Variants in WDR72 observed in about 807,000 individuals in gnomAD.
WDR72 encodes WD repeat-containing protein 72.
WDR72 carries 120 observed loss-of-function variants against 124.2 expected under a neutral mutation model. The observed-to-expected ratio is 0.97, with a 90% confidence interval of 0.83 to 1.12. The LOEUF (loss-of-function observed/expected upper bound fraction) is 1.12. Among genes scored for constraint, WDR72 ranks in the 50% most tolerant of loss-of-function variants. The probability of loss-of-function intolerance (pLI) is 0.00; values close to 1 mark genes in which losing one functional copy is unlikely to be tolerated. For synonymous variants in WDR72, 452 were observed against 441.7 expected (o/e 1.02, Z -0.29); for missense variants, 1,387 against 1,278.8 (o/e 1.08, Z -1.29).
rs533311302 is a variant in WDR72 at position 53,684,803 on chromosome 15, A to G, written c.1765+14947T>C. 1.9e-3 allele frequency among the ~76,000 whole-genome samples: 294 copies of G among 152,208 alleles called. 1 individual carries two copies. The highest frequency in any genetic ancestry group is 6.8e-3 in the Middle Eastern group (2 of 294). On this transcript the variant is annotated intron_variant, in intron 13 of 19. Transcript: ENST00000360509. ...ACAGCAGTAACCTCTGCAGACTTAA[A>G]TGTCCCTGTCTGACAGCTTTGAAGA...
At chr15:53,754,158 G>A (rs2018841450) in intron 1 of WDR72, among the ~76,000 whole-genome samples, 1 of 152,168 alleles carries the variant, frequency 6.6e-6, no homozygotes, top group Admixed American at 6.5e-5. Context: ...AGACTGTTTA[G>A]TCTAAGAGTC....
At chr15:53,607,972 A>G (rs1279141546) in intron 17 of WDR72, among the ~76,000 whole-genome samples, 3 of 152,202 alleles carry the variant, frequency 2.0e-5, no homozygotes, top group Non-Finnish European at 4.4e-5. Context: ...ATGTCACCCC[A>G]GTTAAAATGG....
At chr15:53,692,412 T>C (rs2016872984) in intron 13 of WDR72, among the ~76,000 whole-genome samples, 1 of 152,164 alleles carries the variant, frequency 6.6e-6, no homozygotes, top group Admixed American at 6.6e-5. Context: ...TACACACTAG[T>C]ACAGTAATTC....
chr15:53,529,637 T>C (rs971967214), intron 18 of WDR72, among the ~76,000 whole-genome samples: 1 of 151,996 alleles, frequency 6.6e-6, no homozygotes, highest in Non-Finnish European at 1.5e-5. Context: ...TTCTCAATGA[T>C]TGCTGAACGA....
intron 14 of WDR72, among the ~76,000 whole-genome samples, chr15:53,656,797 T>C (rs2015434782): frequency 6.6e-6 from 1 of 151,938 alleles, no homozygotes; most frequent in South Asian, 2.1e-4. Context: ...GTAACATTTA[T>C]AATCATTTTA....
At chr15:53,728,612 T>G (rs1437139327) in intron 2 of WDR72, among the ~76,000 whole-genome samples, 2 of 152,240 alleles carry the variant, frequency 1.3e-5, no homozygotes, top group Non-Finnish European at 2.9e-5. Context: ...TTTTATTGTG[T>G]TTCCTTCTGA....
At chr15:53,707,806 T>G (rs2017424952) in intron 9 of WDR72, among the ~76,000 whole-genome samples, 1 of 152,186 alleles carries the variant, frequency 6.6e-6, no homozygotes, top group African/African-American at 2.4e-5. Context: ...TTTTTATAGC[T>G]ATTTGAAATG....
chr15:53,745,304 T>C (rs1042913092), intron 1 of WDR72, among the ~76,000 whole-genome samples: 3 of 152,214 alleles, frequency 2.0e-5, no homozygotes, highest in Non-Finnish European at 2.9e-5. Flanking sequence ...TTTTGTACTG[T>C]GGATAGAGAT....
chr15:53,605,867 A>G (rs988613159), intron 17 of WDR72, among the ~76,000 whole-genome samples: 3 of 152,020 alleles, frequency 2.0e-5, no homozygotes, highest in African/African-American at 7.2e-5. Flanking sequence ...TAATTTGAGG[A>G]TCGGTTATTG....
chr15:53,549,386 A>G (rs1893630692), intron 18 of WDR72, among the ~76,000 whole-genome samples: 1 of 152,158 alleles, frequency 6.6e-6, no homozygotes, highest in Non-Finnish European at 1.5e-5. Context: ...AAAATTGTCT[A>G]TTCAATTTTC....
At chr15:53,680,178 C>T (rs2016329838) in intron 13 of WDR72, among the ~76,000 whole-genome samples, 1 of 152,252 alleles carries the variant, frequency 6.6e-6, no homozygotes, top group Admixed American at 6.5e-5. Flanking sequence ...TAATAGAATG[C>T]TCAGTTTCCT....
intron 18 of WDR72, among the ~76,000 whole-genome samples, chr15:53,527,753 A>G (rs1892208941): frequency 6.6e-6 from 1 of 152,080 alleles, no homozygotes; most frequent in Non-Finnish European, 1.5e-5. Flanking sequence ...TTAATTACAC[A>G]TTAATCAGGG....
intron 2 of WDR72, 142 bp from the exon 3 acceptor site, chr15:53,723,050 T>C (rs1012414410): frequency 1.9e-4 from 145 of 750,202 alleles, no homozygotes; most frequent in Non-Finnish European, 8.9e-5. Flanking sequence ...ATATATGTAA[T>C]AACAACATCC....
At chr15:53,613,787 C>A (rs2013646733) in intron 15 of WDR72, 30 bp from the exon 16 acceptor site, 1 of 1,435,708 alleles carries the variant, frequency 7.0e-7, no homozygotes, top group Non-Finnish European at 9.8e-7. Context: ...CAGCATATTA[C>A]TAAAAAGCAT....
At chr15:53,756,681 G>A (rs2018916503) in intron 1 of WDR72, 1 of 152,164 alleles carries the variant, frequency 6.6e-6, no homozygotes, top group South Asian at 2.1e-4. Flanking sequence ...TATATGTTAA[G>A]TTGTAGACAC....
At chr15:53,541,303 G>A (rs1377254569) in intron 18 of WDR72, among the ~76,000 whole-genome samples, 1 of 152,132 alleles carries the variant, frequency 6.6e-6, no homozygotes, top group African/African-American at 2.4e-5. Flanking sequence ...TCTGAGAACG[G>A]GCAGACTGCC....
chr15:53,540,706 T>C (rs893012575), intron 18 of WDR72, among the ~76,000 whole-genome samples: 9 of 151,316 alleles, frequency 5.9e-5, no homozygotes, highest in African/African-American at 1.9e-4. Context: ...AGAAGACGGG[T>C]GATTTCTGCA....
At chr15:53,584,369 G>A (rs1054518561) in intron 18 of WDR72, among the ~76,000 whole-genome samples, 24 of 151,920 alleles carry the variant, frequency 1.6e-4, no homozygotes, top group Non-Finnish European at 4.4e-5. Context: ...GGCATTTGGT[G>A]TTGTTTGGTC....
chr15:53,682,119 CT>C (rs1318968941), intron 13 of WDR72, among the ~76,000 whole-genome samples: 2 of 152,150 alleles, frequency 1.3e-5, no homozygotes, highest in African/African-American at 2.4e-5. Flanking sequence ...CCAGAAACCA[CT>C]TCATGCAGAC....
Sources: allele counts gnomAD v4.1 joint callset (sites outside exome capture counted in the v4.1 genomes callset), GRCh38; gene constraint gnomAD v4.1.1; transcripts MANE v1.5; gene names NCBI Gene and HGNC (gene_info 2026-07-23, HGNC 2026-07-21).